Variants in PGM1 observed in about 807,000 individuals in gnomAD.
The protein encoded by PGM1 is phosphoglucomutase 1.
Under a neutral mutation model 55.6 loss-of-function variants are expected in PGM1, and 52 were observed. That is an observed-to-expected ratio of 0.94 (90% CI 0.75 to 1.18). PGM1 has a LOEUF of 1.18. Ranked by LOEUF, PGM1 falls within the 50% of genes most tolerant of loss-of-function variation. The pLI is 0.00. For synonymous variants in PGM1, 287 were observed against 271.7 expected (o/e 1.06, Z -0.55); for missense variants, 724 against 729.3 (o/e 0.99, Z 0.08).
chr1:63,634,188 G>A lies in PGM1; in HGVS notation c.683-641G>A, dbSNP rs191140860. On this transcript the variant is annotated intron_variant, in intron 4 of 10. Transcript: ENST00000371084. ...CCTAGCCATGTAAGTTTGGGCAAAT[G>A]TCTTTACCTCAGAACACCAACATTC... 5.3e-5 allele frequency among the ~76,000 whole-genome samples: 8 copies of A among 151,866 alleles called. No homozygotes were observed. In the East Asian group the frequency reaches 1.5e-3, roughly 29 times the overall value.
intron 1 of PGM1, among the ~76,000 whole-genome samples, chr1:63,609,834 A>G (rs1274455746): frequency 1.3e-5 from 2 of 152,170 alleles, no homozygotes; most frequent in East Asian, 3.9e-4. Flanking sequence ...ACTTTAGGCT[A>G]AGGTAAGTGT....
At chr1:63,624,012 A>T (rs1648956902) in intron 1 of PGM1, among the ~76,000 whole-genome samples, 1 of 152,184 alleles carries the variant, frequency 6.6e-6, no homozygotes, top group Non-Finnish European at 1.5e-5. Flanking sequence ...TTGACAAAGT[A>T]CCTGTTGCTT....
At chr1:63,607,240 T>C (rs1648446936) in intron 1 of PGM1, among the ~76,000 whole-genome samples, 1 of 152,068 alleles carries the variant, frequency 6.6e-6, no homozygotes, top group Non-Finnish European at 1.5e-5. Flanking sequence ...GCAGGGGAAG[T>C]TCCATTTACC....
chr1:63,612,261 A>G (rs1212776359), intron 1 of PGM1, among the ~76,000 whole-genome samples: 2 of 152,094 alleles, frequency 1.3e-5, no homozygotes, highest in African/African-American at 2.4e-5. Flanking sequence ...CTGTCTCAAA[A>G]AAAAAAAGGC....
chr1:63,624,471 T>C (rs1648970350), intron 1 of PGM1, among the ~76,000 whole-genome samples: 1 of 152,200 alleles, frequency 6.6e-6, no homozygotes, highest in Non-Finnish European at 1.5e-5. Flanking sequence ...AGAAGGAATA[T>C]TGTACCAGAA....
At chr1:63,607,449 C>T (rs973333534) in intron 1 of PGM1, among the ~76,000 whole-genome samples, 1 of 152,130 alleles carries the variant, frequency 6.6e-6, no homozygotes, top group Non-Finnish European at 1.5e-5. Context: ...TAAAAGCTAA[C>T]ACAGAAGGAA....
At chr1:63,595,237 T>G (rs1276009909) in intron 1 of PGM1, among the ~76,000 whole-genome samples, 1 of 152,234 alleles carries the variant, frequency 6.6e-6, no homozygotes, top group African/African-American at 2.4e-5. Context: ...TTTATCCTCC[T>G]GCAGCCCTAT....
intron 8 of PGM1, among the ~76,000 whole-genome samples, chr1:63,650,734 G>A (rs1649786166): frequency 6.6e-6 from 1 of 152,144 alleles, no homozygotes; most frequent in Non-Finnish European, 1.5e-5. Context: ...TAAGAAAGAA[G>A]TCAAAAAGAA....
chr1:63,653,132 G>A (rs1052527524), intron 9 of PGM1, among the ~76,000 whole-genome samples: 4 of 152,330 alleles, frequency 2.6e-5, no homozygotes, highest in East Asian at 3.9e-4. Context: ...GCCTAAGCTC[G>A]AGAGCTGCCC....
intron 1 of PGM1, chr1:63,623,727 A>G: frequency 6.2e-7 from 1 of 1,612,556 alleles, no homozygotes; most frequent in Non-Finnish European, 8.5e-7. Flanking sequence ...AATCAGCAAT[A>G]GAAACAATAG....
At chr1:63,635,135 T>C (rs1557434732) in intron 5 of PGM1, 116 bp downstream of exon 5, 3 of 864,074 alleles carry the variant, frequency 3.5e-6, no homozygotes, top group Non-Finnish European at 5.9e-6. Flanking sequence ...GGATCCCTCA[T>C]TCTGACCCGA....
intron 1 of PGM1, among the ~76,000 whole-genome samples, chr1:63,609,774 C>A (rs1648519301): frequency 1.3e-5 from 2 of 152,184 alleles, no homozygotes. Context: ...TACACGAGAT[C>A]TTCCAACATT....
chr1:63,644,561 A>G (rs144982743), intron 7 of PGM1, among the ~76,000 whole-genome samples: 126 of 152,316 alleles, frequency 8.3e-4, no homozygotes, highest in African/African-American at 2.6e-3. Context: ...AAAGCATAAT[A>G]AAGTCAGTGG....
chr1:63,656,663 A>G (rs144327039), intron 10 of PGM1, among the ~76,000 whole-genome samples: 17 of 152,094 alleles, frequency 1.1e-4, no homozygotes, highest in Non-Finnish European at 2.4e-4. Context: ...AATCTTGCCA[A>G]TCTTGCCATT....
rs185880979 is a variant in PGM1, at chr1:63,651,614, G to A, written c.1281-55G>A. ...TGATGAAGAAAGTGCTGACTGATAG[G>A]CCTTGGTGTGATCTGCAGTCAGCCC... On this transcript the variant is annotated intron_variant, in intron 8 of 10. Coordinates refer to ENST00000371084, the MANE Select transcript of PGM1 (RefSeq NM_002633.3). 3.0e-5 allele frequency: 45 copies of A among 1,501,006 alleles called. No individual in the cohort carries two copies. In the Admixed American group the frequency reaches 7.3e-4, roughly 24 times the overall value. 93.0% of individuals were successfully genotyped at this position (1,501,006 alleles called of 1,614,324 possible).
intron 7 of PGM1, among the ~76,000 whole-genome samples, chr1:63,646,056 T>G (rs1420229031): frequency 6.6e-6 from 1 of 151,952 alleles, no homozygotes; most frequent in Admixed American, 6.6e-5. Context: ...CCTAGGGAAG[T>G]TGGGAGCTAG....
At chr1:63,650,030 C>T (rs191850824) in intron 8 of PGM1, among the ~76,000 whole-genome samples, 2 of 152,266 alleles carry the variant, frequency 1.3e-5, no homozygotes, top group East Asian at 3.9e-4. Context: ...AAGGGTCACA[C>T]CCTTGAATTA....
At chr1:63,600,399 G>A (rs1385266012) in intron 1 of PGM1, among the ~76,000 whole-genome samples, 1 of 152,180 alleles carries the variant, frequency 6.6e-6, no homozygotes, top group Non-Finnish European at 1.5e-5. Flanking sequence ...TAACAGGGAA[G>A]AGTGCTCTAC....
intron 3 of PGM1, 115 bp from the exon 4 acceptor site, chr1:63,631,542 A>G (rs1477924990): frequency 8.4e-6 from 8 of 953,032 alleles, no homozygotes; most frequent in South Asian, 1.3e-5. Context: ...GAGCTGTTCA[A>G]TAATTGTCCT....
Sources: allele counts gnomAD v4.1 joint callset (sites outside exome capture counted in the v4.1 genomes callset), GRCh38; gene constraint gnomAD v4.1.1; transcripts MANE v1.5; gene names NCBI Gene and HGNC (gene_info 2026-07-23, HGNC 2026-07-21).